The following THSD7A variants were observed in gnomAD, a reference collection of about 807,000 sequenced individuals.
The protein encoded by THSD7A is thrombospondin type 1 domain containing 7A.
Under a neutral mutation model 231.3 loss-of-function variants are expected in THSD7A, and 96 were observed. That is an observed-to-expected ratio of 0.41 (90% CI 0.35 to 0.49). The LOEUF is 0.49. Among genes scored for constraint, THSD7A ranks in the 20% least tolerant of loss-of-function variants. The pLI is 0.05. For missense variants in THSD7A, 2,290 were observed against 2,070.2 expected (o/e 1.11, Z -2.06); for synonymous variants, 940 against 743.3 (o/e 1.26, Z -4.30).
chr7:11,436,946 AAT>A (rs1033559343), intron 13 of THSD7A, among the ~76,000 whole-genome samples: 4 of 152,068 alleles, frequency 2.6e-5, no homozygotes, highest in Admixed American at 1.3e-4. Context: ...GATGACCTAA[AAT>A]TTCCTATAGT....
chr7:11,390,505 G>A (rs188982599), intron 23 of THSD7A, among the ~76,000 whole-genome samples: 1 of 152,262 alleles, frequency 6.6e-6, no homozygotes, highest in East Asian at 1.9e-4. Flanking sequence ...CAATTCTTCT[G>A]ACCTTTTTTC....
chr7:11,576,468 C>A (rs781233026), intron 4 of THSD7A, among the ~76,000 whole-genome samples: 2 of 152,112 alleles, frequency 1.3e-5, no homozygotes, highest in Non-Finnish European at 2.9e-5. Flanking sequence ...GCACACAGCA[C>A]GAATGCATAT....
rs10691034 is a variant in THSD7A at position 11,445,519 on chromosome 7, ATGTG to A, written c.3064+538_3064+541del. Among the ~76,000 whole-genome samples, 734 of 149,142 alleles carry A rather than the reference ATGTG, an allele frequency of 4.9e-3. 4 individuals are homozygous for A. The highest frequency in any genetic ancestry group is 0.017 in the African/African-American group (673 of 40,778). ...TTCTTTTTGTTTGTTCGTTTGTTTTATGTGTGTGTGTGTGTGTGTGTGTGTCAAT... is the reference window on the plus strand; with the variant it reads ...TTCTTTTTGTTTGTTCGTTTGTTTTATGTGTGTGTGTGTGTGTGTGTCAAT... On this transcript the variant is annotated intron_variant, in intron 13 of 27. Coordinates refer to ENST00000423059, the MANE Select transcript of THSD7A (RefSeq NM_015204.3).
At chr7:11,447,090 T>C (rs1250968302) in intron 12 of THSD7A, 140 bp downstream of exon 12, 1 of 819,182 alleles carries the variant, frequency 1.2e-6, no homozygotes, top group Non-Finnish European at 1.9e-6. Flanking sequence ...CTTTTATCAC[T>C]GCCAGCTAAA....
At chr7:11,762,056 A>G (rs568439938) in intron 1 of THSD7A, among the ~76,000 whole-genome samples, 6 of 152,224 alleles carry the variant, frequency 3.9e-5, no homozygotes, top group African/African-American at 1.2e-4. Context: ...TCCAGTTTCA[A>G]TCATGTTGCT....
At chr7:11,596,946 T>C (rs1780383453) in intron 2 of THSD7A, among the ~76,000 whole-genome samples, 1 of 152,238 alleles carries the variant, frequency 6.6e-6, no homozygotes, top group Non-Finnish European at 1.5e-5. Context: ...GCAGTATACC[T>C]TTACTGTCCT....
Position 11,376,588 on chromosome 7 carries a change from G to C in THSD7A, c.4871C>G (p.Ser1624Cys), listed in dbSNP as rs747304526. The C allele has an allele frequency of 2.6e-5, 41 of 1,583,004 alleles. No homozygotes were observed. The Admixed American group carries it at 6.7e-4, about 26-fold the overall frequency. The change falls in exon 27 of 28, where the codon TCC becomes TGC. Residue 1624 changes from serine to cysteine, a missense_variant. Ser to Cys is a moderately radical substitution (Grantham distance 112, BLOSUM62 -1). Coordinates refer to ENST00000423059, the MANE Select transcript of THSD7A (RefSeq NM_015204.3). ...GAFVLLIFIV[S>C]MIYLACKKPK... ...CACTCACCAAGCTAGATAAATCATG[G>C]AGACAATAAAGATGAGTAACACAAA...
intron 11 of THSD7A, among the ~76,000 whole-genome samples, chr7:11,457,798 T>C (rs1583778406): frequency 6.6e-6 from 1 of 152,090 alleles, no homozygotes. Flanking sequence ...CTTATAGAAT[T>C]GATCTTATCT....
intron 1 of THSD7A, among the ~76,000 whole-genome samples, chr7:11,744,131 A>G (rs1183466237): frequency 6.6e-6 from 1 of 151,832 alleles, no homozygotes; most frequent in African/African-American, 2.4e-5. Context: ...TTTTCATACC[A>G]TGTTGGATAC....
chr7:11,577,618 C>G (rs1017153295), intron 4 of THSD7A, among the ~76,000 whole-genome samples: 14 of 150,942 alleles, frequency 9.3e-5, no homozygotes, highest in African/African-American at 3.4e-4. Flanking sequence ...TGGCTGGCCT[C>G]TAAACCCTAT....
chr7:11,630,015 G>T lies in THSD7A; in HGVS notation c.1022+6115C>A, dbSNP rs572018212. ...TGTTCAATACTCTGTAGCCATGAATGCATAGGTTTACTATTCTTATTTATT... is the reference window on the plus strand; with the variant it reads ...TGTTCAATACTCTGTAGCCATGAATTCATAGGTTTACTATTCTTATTTATT... On this transcript the variant is annotated intron_variant, in intron 2 of 27. Transcript: ENST00000423059. Among the ~76,000 whole-genome samples, 3 of 152,248 alleles carry T rather than the reference G, an allele frequency of 2.0e-5. No individual in the cohort carries two copies. The South Asian group carries it at 6.2e-4, about 32-fold the overall frequency.
intron 4 of THSD7A, among the ~76,000 whole-genome samples, chr7:11,587,737 A>T (rs1382893270): frequency 1.3e-5 from 2 of 152,184 alleles, no homozygotes; most frequent in African/African-American, 4.8e-5. Flanking sequence ...ACCAATGAGT[A>T]AAAAAGTTAT....
chr7:11,801,605 G>C (rs889049268), intron 1 of THSD7A, among the ~76,000 whole-genome samples: 1 of 151,946 alleles, frequency 6.6e-6, no homozygotes, highest in African/African-American at 2.4e-5. Context: ...TTTTAAATTA[G>C]CATATAAAAT....
At chr7:11,473,965 A>T (rs1786043531) in intron 8 of THSD7A, among the ~76,000 whole-genome samples, 1 of 152,074 alleles carries the variant, frequency 6.6e-6, no homozygotes, top group Non-Finnish European at 1.5e-5. Context: ...TCCGTAGCCT[A>T]CGGGTATATA....
At chr7:11,796,282 T>C (rs1014479876) in intron 1 of THSD7A, among the ~76,000 whole-genome samples, 11 of 151,524 alleles carry the variant, frequency 7.3e-5, no homozygotes, top group Middle Eastern at 3.4e-3. Context: ...CAAAATTTAC[T>C]GTTTTACCTA....
At chr7:11,454,382 TA>T (rs1349257190) in intron 11 of THSD7A, among the ~76,000 whole-genome samples, 2 of 151,928 alleles carry the variant, frequency 1.3e-5, no homozygotes, top group Non-Finnish European at 2.9e-5. Flanking sequence ...CTCATTTTTT[TA>T]ATGAGAAAAA....
In THSD7A at chr7:11,637,035, A is replaced by C; in HGVS notation, c.191-74T>G. On this transcript the variant is annotated intron_variant, in intron 1 of 27. Transcript: ENST00000423059. This position sits in a 1 kb window ranked among gnomAD's most constrained non-coding sequence, Gnocchi z 4.2. ...ACAAGTTACTGCACATTCCAGAAAG[A>C]CCTTTCAAGACCTAGTACATTAACT... 1 of 1,323,994 alleles carries C rather than the reference A, an allele frequency of 7.6e-7. No homozygotes were observed. Among genetic ancestry groups the C allele is most frequent in the Non-Finnish European group, 1.0e-6 (1 of 965,288 alleles). The allele number at this position is 1,323,994 out of a possible 1,614,324, so 82.0% of individuals were successfully genotyped here.
At chr7:11,769,134 TATATATATATA>T (rs1783129786) in intron 1 of THSD7A, among the ~76,000 whole-genome samples, 1 of 45,972 alleles carries the variant, frequency 2.2e-5, no homozygotes, top group Non-Finnish European at 4.8e-5. Context: ...TATATATATA[TATATATATATA>T]TATATATATT....
chr7:11,504,207 G>A (rs1787454337), intron 6 of THSD7A, among the ~76,000 whole-genome samples: 1 of 152,124 alleles, frequency 6.6e-6, no homozygotes, highest in South Asian at 2.1e-4. Context: ...GCTAATGCAG[G>A]AACAGAAAAT....
Sources: gnomAD v4.1 joint callset for allele counts (sites outside exome capture counted in the v4.1 genomes callset) on GRCh38, gnomAD v4.1.1 for gene constraint, Gnocchi (gnomAD v3.1) non-coding constraint, MANE v1.5 for transcripts, NCBI Gene and HGNC (gene_info 2026-07-23, HGNC 2026-07-21) for gene names.